TCERG1L: variants seen among roughly 807,000 people sequenced by gnomAD.
TCERG1L encodes the protein transcription elongation regulator 1-like protein.
Under a neutral mutation model 56.3 loss-of-function variants are expected in TCERG1L, and 37 were observed. That is an observed-to-expected ratio of 0.66 (90% CI 0.51 to 0.87). TCERG1L has a LOEUF of 0.87. Ranked by LOEUF, TCERG1L falls within the 40% of genes least tolerant of loss-of-function variation. TCERG1L has a pLI of 0.00. For missense variants in TCERG1L, 799 were observed against 774.2 expected (o/e 1.03, Z -0.38); for synonymous variants, 324 against 326.3 (o/e 0.99, Z 0.08).
rs1200401525 is a variant in TCERG1L at position 131,309,135 on chromosome 10, A to AATC, written c.489+15_489+17dup. The AATC allele has an allele frequency of 6.2e-7, 1 of 1,604,682 alleles. No homozygotes were observed. The highest frequency in any genetic ancestry group is 2.3e-5 in the East Asian group (1 of 44,360). On this transcript the variant is annotated intron_variant, in intron 2 of 11. Transcript: ENST00000368642. ...TCATTAAAAGCCCCTTATCCAATTA[A>AATC]ATCACTTGCGTTTTTACCTTACAGT...
chr10:131,146,101 CT>C (rs1024322349), intron 7 of TCERG1L, among the ~76,000 whole-genome samples: 2 of 152,184 alleles, frequency 1.3e-5, no homozygotes, highest in African/African-American at 4.8e-5. Flanking sequence ...GATCAATGTG[CT>C]GCAAAGGTCT....
intron 4 of TCERG1L, among the ~76,000 whole-genome samples, chr10:131,211,477 C>A (rs1845619099): frequency 6.6e-6 from 1 of 152,194 alleles, no homozygotes. Context: ...TGTGCTAGAA[C>A]CCCTTCTATT....
intron 9 of TCERG1L, among the ~76,000 whole-genome samples, 153 bp downstream of exon 9, chr10:131,116,646 A>C (rs11017735): frequency 6.6e-6 from 1 of 152,088 alleles, no homozygotes; most frequent in Non-Finnish European, 1.5e-5. Context: ...ACAGGAACTC[A>C]GTAAGGAGGA....
chr10:131,274,031 G>A (rs1846368385), intron 3 of TCERG1L, among the ~76,000 whole-genome samples: 1 of 152,120 alleles, frequency 6.6e-6, no homozygotes, highest in Admixed American at 6.5e-5. Flanking sequence ...GGTTGAGAGA[G>A]GAACGGGGCC....
chr10:131,097,296 C>T (rs1223153640), intron 11 of TCERG1L, among the ~76,000 whole-genome samples: 3 of 151,566 alleles, frequency 2.0e-5, no homozygotes, highest in Non-Finnish European at 4.4e-5. Flanking sequence ...TTTATGCTTA[C>T]GAAACTTACA....
intron 4 of TCERG1L, among the ~76,000 whole-genome samples, chr10:131,186,069 C>A (rs887759212): frequency 6.6e-6 from 1 of 152,142 alleles, no homozygotes; most frequent in Non-Finnish European, 1.5e-5. Flanking sequence ...TGCAGATGAA[C>A]CCCGAAGACA....
intron 4 of TCERG1L, among the ~76,000 whole-genome samples, chr10:131,238,429 A>G (rs1176399777): frequency 6.6e-6 from 1 of 152,168 alleles, no homozygotes; most frequent in Non-Finnish European, 1.5e-5. Flanking sequence ...TCTACCCAGG[A>G]GCCAGCTGCA....
At chr10:131,165,045 A>C (rs2133433755) in intron 5 of TCERG1L, among the ~76,000 whole-genome samples, 1 of 152,374 alleles carries the variant, frequency 6.6e-6, no homozygotes, top group African/African-American at 2.4e-5. Context: ...CAGAAGCATG[A>C]GATTAGAACA....
chr10:131,150,097 TAA>T (rs1845846752), intron 6 of TCERG1L, among the ~76,000 whole-genome samples: 1 of 149,382 alleles, frequency 6.7e-6, no homozygotes, highest in Admixed American at 6.6e-5. Flanking sequence ...TCTAGCAACT[TAA>T]GACTTAAAAC....
intron 8 of TCERG1L, among the ~76,000 whole-genome samples, chr10:131,127,424 G>A (rs1845575554): frequency 6.6e-6 from 1 of 152,216 alleles, no homozygotes; most frequent in Non-Finnish European, 1.5e-5. Context: ...CGGCTAAGAG[G>A]CTGATGGGAA....
intron 1 of TCERG1L, 107 bp from the exon 2 acceptor site, chr10:131,309,406 T>C (rs1463397066): frequency 7.1e-7 from 1 of 1,403,450 alleles, no homozygotes; most frequent in Non-Finnish European, 9.6e-7. Context: ...TTTCAAAATG[T>C]ATGTATTTGA....
At position 131,114,320 on chromosome 10, in the gene TCERG1L, G is replaced by A. The variant is rs1182597930; in HGVS notation, c.1395+2479C>T. Reference sequence around the variant, plus strand: ...AATTCTCCTCAGCCTGAGCAAATCTGCCAGCATATTTTACAAAGCTGAAAA... The same window carrying A: ...AATTCTCCTCAGCCTGAGCAAATCTACCAGCATATTTTACAAAGCTGAAAA... On this transcript the variant is annotated intron_variant, in intron 9 of 11. Transcript: ENST00000368642. Among the ~76,000 whole-genome samples, 2 of 142,222 alleles carry A rather than the reference G, an allele frequency of 1.4e-5. 1 individual carries two copies. 93.3% of individuals were successfully genotyped at this position (142,222 alleles called of 152,430 possible).
intron 6 of TCERG1L, among the ~76,000 whole-genome samples, chr10:131,158,829 C>T (rs923256845): frequency 1.3e-5 from 2 of 152,208 alleles, no homozygotes; most frequent in Non-Finnish European, 2.9e-5. Context: ...AGGAGATTCC[C>T]TGAGACATGG....
chr10:131,114,852 C>T (rs768489146), intron 9 of TCERG1L, among the ~76,000 whole-genome samples: 43 of 152,334 alleles, frequency 2.8e-4, no homozygotes, highest in Admixed American at 5.9e-4. Context: ...GTTCACGATG[C>T]CATCATGTTT....
intron 7 of TCERG1L, among the ~76,000 whole-genome samples, chr10:131,135,569 C>T (rs930668665): frequency 2.0e-5 from 3 of 152,206 alleles, no homozygotes; most frequent in Non-Finnish European, 2.9e-5. Context: ...CAATGTGCAG[C>T]GTGGGGCCCT....
At chr10:131,309,447 T>C (rs1371013553) in intron 1 of TCERG1L, 148 bp from the exon 2 acceptor site, 1 of 1,077,858 alleles carries the variant, frequency 9.3e-7, no homozygotes, top group East Asian at 2.9e-5. Context: ...AGAAAAACTA[T>C]AAGTATGTAC....
chr10:131,096,563 G>C (rs983995460), intron 11 of TCERG1L, among the ~76,000 whole-genome samples: 11 of 145,896 alleles, frequency 7.5e-5, no homozygotes, highest in African/African-American at 3.1e-4. Context: ...GTCAAACAAA[G>C]GGGGCCTATG....
At chr10:131,206,696 A>C (rs1354044537) in intron 4 of TCERG1L, among the ~76,000 whole-genome samples, 1 of 152,180 alleles carries the variant, frequency 6.6e-6, no homozygotes, top group Non-Finnish European at 1.5e-5. Flanking sequence ...CCTGGAGCCC[A>C]GAAGTAGCAG....
At chr10:131,179,664 T>C (rs1845150550) in intron 4 of TCERG1L, among the ~76,000 whole-genome samples, 1 of 152,186 alleles carries the variant, frequency 6.6e-6, no homozygotes, top group East Asian at 1.9e-4. Context: ...CTTCTGGCCC[T>C]TGTGGTTTTG....
Sources: allele counts gnomAD v4.1 joint callset (sites outside exome capture counted in the v4.1 genomes callset), GRCh38; gene constraint gnomAD v4.1.1; transcripts MANE v1.5; gene names NCBI Gene and HGNC (gene_info 2026-07-23, HGNC 2026-07-21).